GBF1: variants seen among roughly 807,000 people sequenced by gnomAD.
The protein encoded by GBF1 is golgi brefeldin A resistant guanine nucleotide exchange factor 1.
In GBF1, 114 loss-of-function variants were observed where a neutral mutation model predicts 210.5. The ratio of observed to expected loss-of-function variants is 0.54; its 90% confidence interval spans 0.47 to 0.63. The LOEUF (loss-of-function observed/expected upper bound fraction) is 0.63, where lower values mean the gene tolerates loss of function less well. Ranked by LOEUF, GBF1 falls within the 30% of genes least tolerant of loss-of-function variation. GBF1 has a pLI of 0.00. For synonymous variants in GBF1, 850 were observed against 889.2 expected (o/e 0.96, Z 0.78); for missense variants, 1,851 against 2,357.7 (o/e 0.79, Z 4.45).
intron 3 of GBF1, among the ~76,000 whole-genome samples, chr10:102,317,597 G>A (rs1177084260): frequency 2.6e-5 from 4 of 152,178 alleles, no homozygotes; most frequent in South Asian, 4.1e-4. Context: ...CAGCCTGGGC[G>A]ACAAGAGCAA....
At chr10:102,343,743 A>T (rs2134577464) in intron 3 of GBF1, among the ~76,000 whole-genome samples, 1 of 146,694 alleles carries the variant, frequency 6.8e-6, no homozygotes, top group Middle Eastern at 3.5e-3. Context: ...CTGGAGGTGG[A>T]GGTTTGCAGT....
chr10:102,242,683 C>T (rs1173487412), upstream of GBF1, among the ~76,000 whole-genome samples: 1 of 152,138 alleles, frequency 6.6e-6, no homozygotes, highest in African/African-American at 2.4e-5. Flanking sequence ...AATCCCAGCA[C>T]TTTGGGAGGC....
intron 17 of GBF1, among the ~76,000 whole-genome samples, chr10:102,364,741 C>T (rs1267163752): frequency 1.3e-5 from 2 of 151,612 alleles, no homozygotes; most frequent in South Asian, 2.1e-4. Context: ...CCCAGCTACT[C>T]GGGAGACTGA....
At chr10:102,297,441 T>C (rs1002743320) in intron 3 of GBF1, among the ~76,000 whole-genome samples, 3 of 152,228 alleles carry the variant, frequency 2.0e-5, no homozygotes, top group Non-Finnish European at 4.4e-5. Context: ...AAAAGCCTAA[T>C]AAACCTGAGC....
chr10:102,316,287 G>A (rs975868946), intron 3 of GBF1, among the ~76,000 whole-genome samples: 1 of 151,826 alleles, frequency 6.6e-6, no homozygotes, highest in African/African-American at 2.4e-5. Context: ...GGATTTCACC[G>A]TCTTGGCCAG....
intron 3 of GBF1, among the ~76,000 whole-genome samples, chr10:102,330,892 C>T (rs551754326): frequency 6.6e-6 from 1 of 152,128 alleles, no homozygotes; most frequent in East Asian, 1.9e-4. Flanking sequence ...TCATATTGGA[C>T]AAAATCATAC....
chr10:102,242,811 C>T (rs1008542541), upstream of GBF1, among the ~76,000 whole-genome samples: 4 of 151,880 alleles, frequency 2.6e-5, no homozygotes, highest in African/African-American at 9.7e-5. Flanking sequence ...TGCCTGTAGT[C>T]TCAGCTACTG....
chr10:102,365,761 A>G (rs1409195003), intron 18 of GBF1, among the ~76,000 whole-genome samples, 162 bp downstream of exon 18: 4 of 152,074 alleles, frequency 2.6e-5, no homozygotes, highest in African/African-American at 9.7e-5. Flanking sequence ...AAATACAAAA[A>G]TTAGCTGGGC....
intron 1 of GBF1, among the ~76,000 whole-genome samples, chr10:102,248,951 A>G (rs1480228380): frequency 6.6e-6 from 1 of 152,208 alleles, no homozygotes; most frequent in Admixed American, 6.5e-5. Flanking sequence ...TTTATTTAGA[A>G]GAGCCAACTG....
chr10:102,265,854 T>A (rs2073811287), intron 3 of GBF1, among the ~76,000 whole-genome samples: 1 of 151,428 alleles, frequency 6.6e-6, no homozygotes, highest in Non-Finnish European at 1.5e-5. Flanking sequence ...TGGTGAGGAG[T>A]TTGCCTTTGG....
chr10:102,370,829 G>A lies in GBF1; in HGVS notation c.3629G>A (p.Arg1210Gln). The change falls in exon 29 of 40, where the codon CGG (arginine) becomes CAG (glutamine). Residue 1210 changes from arginine (R) to glutamine (Q), a missense_variant. Arg to Gln is a conservative substitution (Grantham distance 43). This residue lies in a region of GBF1 where 967 missense variants were observed against 1,247.7 expected (regional missense o/e 0.78). Coordinates refer to ENST00000369983, the MANE Select transcript of GBF1 (RefSeq NM_001377137.1). Reference sequence around the variant, plus strand: ...GTGGGGTTGCTACGCCTGGCCATTCGGCTTCTCCGGAGAGAAGAGATCAGT... The same window carrying A: ...GTGGGGTTGCTACGCCTGGCCATTCAGCTTCTCCGGAGAGAAGAGATCAGT... ...AVVGLLRLAI[R>Q]LLRREEISAQ... The A allele has an allele frequency of 5.0e-6, 8 of 1,614,120 alleles. No individual in the cohort carries two copies. The highest frequency in any genetic ancestry group is 5.1e-6 in the Non-Finnish European group (6 of 1,179,976).
intron 3 of GBF1, among the ~76,000 whole-genome samples, chr10:102,320,503 T>A (rs2056297794): frequency 6.6e-6 from 1 of 152,160 alleles, no homozygotes. Context: ...CTCCATTTTT[T>A]CTGTTTTCTC....
Position 102,269,508 on chromosome 10 carries a change from A to G in GBF1, c.163+9392A>G, listed in dbSNP as rs1038539640. ...CATTCACTGGGGAAGAAAAGGATCA[A>G]AAGCACTTCAGTGTTATCTGGGATT... On this transcript the variant is annotated intron_variant, in intron 3 of 39. Coordinates refer to ENST00000369983, the MANE Select transcript of GBF1 (RefSeq NM_001377137.1). 1.2e-4 allele frequency among the ~76,000 whole-genome samples: 19 copies of G among 152,336 alleles called. 1 individual carries two copies. The East Asian group carries it at 3.3e-3, about 26-fold the overall frequency.
chr10:102,232,147 G>A, the GBF1 span: 1 of 985,918 alleles, frequency 1.0e-6, no homozygotes, highest in East Asian at 2.5e-5. Context: ...CTCCGGCTTA[G>A]CTAGGTCCCA....
Position 102,274,699 on chromosome 10 carries a change from ATTTTTTTT to A in GBF1, c.163+14606_163+14613del, listed in dbSNP as rs1174743189. Among the ~76,000 whole-genome samples the A allele has an allele frequency of 4.7e-4, 34 of 71,730 alleles. No homozygotes were observed. The South Asian group carries it at 6.1e-3, about 13-fold the overall frequency. 47.1% of individuals were successfully genotyped at this position (71,730 alleles called of 152,430 possible). A position where few individuals can be genotyped will look rare whatever the true frequency, so the allele number is the denominator to read the frequency against. ...TGAAGTCTACAGGTGCAAAACAAAGATTTTTTTTTTTTTTTTTTTTTTTTTTTTTTGAG... is the reference window on the plus strand; with the variant it reads ...TGAAGTCTACAGGTGCAAAACAAAGATTTTTTTTTTTTTTTTTTTTTTGAG... On this transcript the variant is annotated intron_variant, in intron 3 of 39. Transcript: ENST00000369983.
rs1384467183 is a variant in GBF1, at chr10:102,365,673, G to A, written c.2309+74G>A. ...TGCCTGTAATCCTGACACTTTGGGA[G>A]GCTGAGGCAGGCAGATCACTCGAGC... On this transcript the variant is annotated intron_variant, in intron 18 of 39. Coordinates refer to ENST00000369983, the MANE Select transcript of GBF1 (RefSeq NM_001377137.1). 4.8e-6 allele frequency: 6 copies of A among 1,252,620 alleles called. No homozygotes were observed. The South Asian group carries it at 4.8e-5, about 10-fold the overall frequency. 77.6% of individuals were successfully genotyped at this position (1,252,620 alleles called of 1,614,324 possible).
Position 102,274,699 on chromosome 10 carries a change from A to AT in GBF1, c.163+14613dup, listed in dbSNP as rs1174743189. Reference sequence around the variant, plus strand: ...TGAAGTCTACAGGTGCAAAACAAAGATTTTTTTTTTTTTTTTTTTTTTTTT... The same window carrying AT: ...TGAAGTCTACAGGTGCAAAACAAAGATTTTTTTTTTTTTTTTTTTTTTTTTT... On this transcript the variant is annotated intron_variant, in intron 3 of 39. Transcript: ENST00000369983. Among the ~76,000 whole-genome samples the AT allele has an allele frequency of 4.0e-3, 290 of 71,716 alleles. 33 individuals are homozygous for AT. Among genetic ancestry groups the AT allele is most frequent in the East Asian group, 0.014 (28 of 2,022 alleles). The allele number at this position is 71,716 out of a possible 152,430, so 47.0% of individuals were successfully genotyped here.
chr10:102,265,274 T>C (rs2073740539), intron 3 of GBF1, among the ~76,000 whole-genome samples: 1 of 152,188 alleles, frequency 6.6e-6, no homozygotes, highest in Admixed American at 6.5e-5. Flanking sequence ...TTGTAGTCAT[T>C]TGCCTCCAGA....
chr10:102,332,187 A>G (rs2057384999), intron 3 of GBF1, among the ~76,000 whole-genome samples: 1 of 151,952 alleles, frequency 6.6e-6, no homozygotes, highest in Non-Finnish European at 1.5e-5. Flanking sequence ...TCATCTCTAG[A>G]TTACTTGTAA....
Sources: gnomAD v4.1 joint callset for allele counts (sites outside exome capture counted in the v4.1 genomes callset) on GRCh38, gnomAD v4.1.1 for gene constraint, gnomAD v4.1.1 regional missense constraint, MANE v1.5 for transcripts, NCBI Gene and HGNC (gene_info 2026-07-23, HGNC 2026-07-21) for gene names.